Variants in APOB observed in about 807,000 individuals in gnomAD.
The protein encoded by APOB is apolipoprotein B.
APOB carries 153 observed loss-of-function variants against 314.1 expected under a neutral mutation model. That is an observed-to-expected ratio of 0.49 (90% CI 0.43 to 0.56). The LOEUF is 0.56. Among genes scored for constraint, APOB ranks in the 20% least tolerant of loss-of-function variants. The probability of loss-of-function intolerance (pLI) is 0.00; values close to 1 mark genes in which losing one functional copy is unlikely to be tolerated. For missense variants in APOB, 5,430 were observed against 5,350.7 expected (o/e 1.01, Z -0.46); for synonymous variants, 2,087 against 2,036.4 (o/e 1.02, Z -0.67).
At position 21,015,326 on chromosome 2, in the gene APOB, C is replaced by T. The variant is rs750198079; in HGVS notation, c.3508+44G>A. 1.9e-6 allele frequency: 3 copies of T among 1,613,490 alleles called. No homozygotes were observed. The East Asian group carries it at 6.7e-5, about 36-fold the overall frequency. On this transcript the variant is annotated intron_variant, in intron 22 of 28. Coordinates refer to ENST00000233242, the MANE Select transcript of APOB (RefSeq NM_000384.3). Reference sequence around the variant, plus strand: ...AGCCTGTAACCACAGGTCTCAACACCTGCATTACTTTGGAAGTGCTCACAC... The same window carrying T: ...AGCCTGTAACCACAGGTCTCAACACTTGCATTACTTTGGAAGTGCTCACAC...
chr2:21,037,559 A>G (rs1014867133), intron 5 of APOB, among the ~76,000 whole-genome samples: 9 of 152,200 alleles, frequency 5.9e-5, no homozygotes, highest in African/African-American at 2.2e-4. Context: ...CTGAGGTGAA[A>G]TGAATTCTGT....
rs766749418 is a variant in APOB at position 21,006,070 on chromosome 2, C to T, written c.10798G>A (p.Val3600Ile). 5 of 1,614,012 alleles carry T rather than the reference C, an allele frequency of 3.1e-6. No individual in the cohort carries two copies. The Admixed American group carries it at 8.3e-5, about 27-fold the overall frequency. Residue 3600 changes from valine to isoleucine, a missense_variant, in exon 26 of 29, where the codon GTT (valine) becomes ATT (isoleucine). Physicochemically the swap from Val to Ile is conservative, Grantham distance 29. This residue lies in a region of APOB where 3,281 missense variants were observed against 3,171.0 expected (regional missense o/e 1.03). Transcript: ENST00000233242. ...CTGGGCTGACTTGCATGGACCTGAA[C>T]AAGAGCTGACATTTGCCATGGAGAG... ...ELSPWQMSAL[V>I]QVHASQPSSF...
chr2:21,034,830 C>T lies in APOB; in HGVS notation c.890G>A (p.Arg297His), dbSNP rs147223101. Residue 297 changes from arginine (R) to histidine (H), a missense_variant, in exon 8 of 29, where the codon CGC (arginine) becomes CAC (histidine). This residue lies in a region of APOB where 2,085 missense variants were observed against 2,079.7 expected (regional missense o/e 1.00). Transcript: ENST00000233242. ...KLEDTPKINS[R>H]FFGEGTKKMG... ...GAAACTCTTACCTTCACCAAAGAAGCGGCTGTTGATCTTTGGTGTGTCTTC... is the reference window on the plus strand; with the variant it reads ...GAAACTCTTACCTTCACCAAAGAAGTGGCTGTTGATCTTTGGTGTGTCTTC... 5.0e-5 allele frequency: 79 copies of T among 1,591,604 alleles called. 1 individual carries two copies. Among genetic ancestry groups the T allele is most frequent in the East Asian group, 3.3e-4 (15 of 44,792 alleles).
chr2:21,029,464 G>A (rs1407196727), intron 12 of APOB, among the ~76,000 whole-genome samples, 175 bp downstream of exon 12: 2 of 149,844 alleles, frequency 1.3e-5, no homozygotes, highest in Non-Finnish European at 3.0e-5. Flanking sequence ...AAGAAGGAAG[G>A]AAGGAAGGAA....
rs12714097 is a variant in APOB at position 21,023,017 on chromosome 2, G to C, written c.2630C>G (p.Pro877Arg). 13 of 1,614,096 alleles carry C rather than the reference G, an allele frequency of 8.1e-6. No homozygotes were observed. The highest frequency in any genetic ancestry group is 1.1e-5 in the Non-Finnish European group (13 of 1,180,014). The change falls in exon 18 of 29, where the codon CCC becomes CGC. Residue 877 changes from proline (P) to arginine (R), a missense_variant. Pro to Arg is a moderately radical substitution (Grantham distance 103). Transcript: ENST00000233242. ...ANMQAELVAKPSVSVEFVTNM... is the reference protein window; with the variant it reads ...ANMQAELVAKRSVSVEFVTNM... ...TGTCACAAACTCCACAGACACGGAG[G>C]GTTTTGCCACCAGTTCAGCCTGCAT... is the stretch of plus-strand genomic sequence containing the variant.
At chr2:21,043,805 C>A in intron 1 of APOB, 59 bp downstream of exon 1, 1 of 1,529,792 alleles carries the variant, frequency 6.5e-7, no homozygotes, top group South Asian at 1.2e-5. Flanking sequence ...CCCCGGCCAA[C>A]CTCGTGCCGC....
chr2:21,023,126 G>T (rs546660172), intron 17 of APOB, 84 bp from the exon 18 acceptor site: 3 of 1,221,202 alleles, frequency 2.5e-6, no homozygotes, highest in African/African-American at 1.5e-5. Context: ...TCTCACCTCC[G>T]GGCAAAGATT....
At chr2:21,034,759 C>T in intron 8 of APOB, 57 bp downstream of exon 8, 13 of 980,028 alleles carry the variant, frequency 1.3e-5, no homozygotes, top group East Asian at 2.4e-5. Context: ...GTGGCTAAGC[C>T]ATGATAGGCA....
At chr2:21,017,937 C>A (rs1663517457) in intron 20 of APOB, among the ~76,000 whole-genome samples, 2 of 152,160 alleles carry the variant, frequency 1.3e-5, no homozygotes, top group Admixed American at 6.5e-5. Context: ...TTCCCTAAAA[C>A]CTGCTCCTCG....
At position 21,017,239 on chromosome 2, in the gene APOB, T is replaced by A. The variant is rs144876159; in HGVS notation, c.3122-590A>T. On this transcript the variant is annotated intron_variant, in intron 20 of 28. Transcript: ENST00000233242. The stretch of plus-strand genomic sequence containing the variant: ...GCAAGTCTTTATGGATTGCCTGTTA[T>A]GAGCCTATTGTGTGCTGGGCACTGC... 3.2e-3 allele frequency among the ~76,000 whole-genome samples: 486 copies of A among 152,282 alleles called. 1 individual carries two copies. The highest frequency in any genetic ancestry group is 0.011 in the African/African-American group (463 of 41,548).
chr2:21,013,738 C>A (rs565586240), intron 24 of APOB, among the ~76,000 whole-genome samples: 60 of 152,318 alleles, frequency 3.9e-4, no homozygotes, highest in African/African-American at 1.3e-3. Flanking sequence ...CTTCTAAGGG[C>A]CACTCCTTAT....
Position 21,008,089 on chromosome 2 carries a change from C to G in APOB, c.8779G>C (p.Gly2927Arg). Reference protein sequence around the residue: ...GHIAWTSSGKGSWKWACPRFS... With the variant: ...GHIAWTSSGKRSWKWACPRFS... ...CTGGGGCAGGCCCATTTCCATGACCCTTTTCCAGAAGAAGTCCATGCTATG... is the reference window on the plus strand; with the variant it reads ...CTGGGGCAGGCCCATTTCCATGACCGTTTTCCAGAAGAAGTCCATGCTATG... The change falls in exon 26 of 29, where the codon GGG becomes CGG. Residue 2927 changes from glycine (G) to arginine (R), a missense_variant. Gly to Arg is a moderately radical substitution (Grantham distance 125). Transcript: ENST00000233242. 5.0e-6 allele frequency: 8 copies of G among 1,614,032 alleles called. No individual in the cohort carries two copies. Among genetic ancestry groups the G allele is most frequent in the Non-Finnish European group, 6.8e-6 (8 of 1,179,962 alleles).
intron 3 of APOB, among the ~76,000 whole-genome samples, 153 bp from the exon 4 acceptor site, chr2:21,041,236 T>C (rs1023571608): frequency 6.6e-6 from 1 of 152,228 alleles, no homozygotes; most frequent in African/African-American, 2.4e-5. Flanking sequence ...CTTATCAACA[T>C]GCCTCCTGGG....
chr2:21,030,170 C>CT (rs1185829520), intron 10 of APOB, among the ~76,000 whole-genome samples, 155 bp from the exon 11 acceptor site: 1 of 152,194 alleles, frequency 6.6e-6, no homozygotes, highest in Non-Finnish European at 1.5e-5. Flanking sequence ...AAGAACATAG[C>CT]TGGAGGCATC....
In APOB at chr2:21,021,218, G is replaced by A. The variant is rs543187156; in HGVS notation, c.2817-1313C>T. 5.9e-5 allele frequency among the ~76,000 whole-genome samples: 9 copies of A among 152,208 alleles called. No homozygotes were observed. The South Asian group carries it at 1.0e-3, about 18-fold the overall frequency. On this transcript the variant is annotated intron_variant, in intron 18 of 28. Transcript: ENST00000233242. ...TGTAGTTCTTATTAAAATGAAGGGC[G>A]CCTCCTTCCTCTTTTCTTCTTTCTT...
At position 21,012,338 on chromosome 2, in the gene APOB, G is replaced by A. The variant is rs776771717; in HGVS notation, c.4530C>T (p.Asn1510=). The A allele has an allele frequency of 6.2e-7, 1 of 1,614,164 alleles. No individual in the cohort carries two copies. The highest frequency in any genetic ancestry group is 8.5e-7 in the Non-Finnish European group (1 of 1,180,026). The change falls in exon 26 of 29, where the codon AAC becomes AAT. Residue 1510 remains asparagine (N), a synonymous_variant. Coordinates refer to ENST00000233242, the MANE Select transcript of APOB (RefSeq NM_000384.3). The stretch of plus-strand genomic sequence containing the variant: ...TGGACTCTCCATTGAGCCGGCCAGT[G>A]TTAGGATCCCTCTGACAAGACAGGC... ...TYGLSCQRDP[N]TGRLNGESNL...
At position 21,016,621 on chromosome 2, in the gene APOB, T is replaced by C. The variant is rs72653072; in HGVS notation, c.3150A>G (p.Thr1050=). 629 of 1,611,030 alleles carry C rather than the reference T, an allele frequency of 3.9e-4. 1 individual carries two copies. The African/African-American group carries it at 7.5e-3, about 19-fold the overall frequency. ...TCATACTCTGCCGATTATATTTGAA[T>C]GTCATGGTAGCCTCAGTCTGCTTCG... is the stretch of plus-strand genomic sequence containing the variant. ...EGAKQTEATM[T]FKYNRQSMTL... is the part of the protein sequence containing the mutation. Residue 1050 remains threonine, a synonymous_variant, in exon 21 of 29, where the codon ACA becomes ACG. Coordinates refer to ENST00000233242, the MANE Select transcript of APOB (RefSeq NM_000384.3).
In APOB at chr2:21,037,138, G is replaced by T; in HGVS notation, c.655C>A (p.Arg219Ser). 1 of 1,614,222 alleles carries T rather than the reference G, an allele frequency of 6.2e-7. No homozygotes were observed. The highest frequency in any genetic ancestry group is 8.5e-7 in the Non-Finnish European group (1 of 1,180,046). The change falls in exon 6 of 29, where the codon CGC becomes AGC. Residue 219 changes from arginine (R) to serine (S), a missense_variant. Transcript: ENST00000233242. Reference protein sequence around the residue: ...LGQCDRFKPIRTGISPLALIK... With the variant: ...LGQCDRFKPISTGISPLALIK... Reference sequence around the variant, plus strand: ...AGAGCAAGTGGGCTGATGCCTGTGCGGATGGGCTTGAAGCGATCACACTGC... The same window carrying T: ...AGAGCAAGTGGGCTGATGCCTGTGCTGATGGGCTTGAAGCGATCACACTGC...
intron 3 of APOB, among the ~76,000 whole-genome samples, chr2:21,041,763 T>C (rs760535010): frequency 6.6e-6 from 1 of 152,174 alleles, no homozygotes; most frequent in Non-Finnish European, 1.5e-5. Flanking sequence ...GGACAGCACA[T>C]ACAAGAGCTA....
Sources: gnomAD v4.1 joint callset for allele counts (sites outside exome capture counted in the v4.1 genomes callset) on GRCh38, gnomAD v4.1.1 for gene constraint, gnomAD v4.1.1 regional missense constraint, MANE v1.5 for transcripts, NCBI Gene and HGNC (gene_info 2026-07-23, HGNC 2026-07-21) for gene names.